TRMT11: variants seen among roughly 807,000 people sequenced by gnomAD.
The protein encoded by TRMT11 is tRNA (guanine(10)-N(2))-methyltransferase TRMT11.
Under a neutral mutation model 62.8 loss-of-function variants are expected in TRMT11, and 53 were observed. That is an observed-to-expected ratio of 0.84 (90% CI 0.68 to 1.06). TRMT11 has a LOEUF of 1.06. TRMT11 is among the 50% of genes least tolerant of loss of function. The probability of loss-of-function intolerance (pLI) is 0.00; values close to 1 mark genes in which losing one functional copy is unlikely to be tolerated. For missense variants in TRMT11, 556 were observed against 553.4 expected (o/e 1.00, Z -0.05); for synonymous variants, 188 against 190.3 (o/e 0.99, Z 0.10).
chr6:126,035,161 G>T (rs930773905), intron 12 of TRMT11, among the ~76,000 whole-genome samples: 11 of 152,020 alleles, frequency 7.2e-5, no homozygotes, highest in African/African-American at 2.2e-4. Context: ...AATGTGTATT[G>T]TTCATAGATA....
At position 126,008,444 on chromosome 6, in the gene TRMT11, C is replaced by T. The variant is rs749912267; in HGVS notation, c.732C>T (p.Asp244=). Residue 244 remains aspartate (D), a synonymous_variant, in exon 8 of 13, where the codon GAC becomes GAT. Coordinates refer to ENST00000334379, the MANE Select transcript of TRMT11 (RefSeq NM_001031712.3). ...AHFGAYVYGT[D]IDYNTVHGLG... ...TTGGTGCATATGTGTATGGGACAGA[C>T]ATAGACTACAACACAGTTCATGGCT... is the stretch of plus-strand genomic sequence containing the variant. 8.1e-6 allele frequency: 13 copies of T among 1,612,914 alleles called. No individual in the cohort carries two copies. The highest frequency in any genetic ancestry group is 1.6e-4 in the Middle Eastern group (1 of 6,080).
At chr6:126,087,465 C>A (rs537123105) in intron 17 of TRMT11, among the ~76,000 whole-genome samples, 1 of 152,258 alleles carries the variant, frequency 6.6e-6, no homozygotes, top group Admixed American at 6.5e-5. Context: ...AATAAAATGT[C>A]AAGAAGCCCA....
chr6:126,257,865 T>C, the TRMT11 span: 17 of 1,270,484 alleles, frequency 1.3e-5, no homozygotes, highest in Non-Finnish European at 1.9e-5. Flanking sequence ...GCTCTTGCTA[T>C]GAGGTCGGGG....
At chr6:126,068,749 C>G (rs1776760422) in intron 17 of TRMT11, among the ~76,000 whole-genome samples, 1 of 152,110 alleles carries the variant, frequency 6.6e-6, no homozygotes, top group Admixed American at 6.5e-5. Context: ...TTTGCATTTT[C>G]CTGTAAATTT....
At chr6:126,223,669 G>A in the TRMT11 span, among the ~76,000 whole-genome samples, 2 of 152,128 alleles carry the variant, frequency 1.3e-5, no homozygotes, top group African/African-American at 4.8e-5. Flanking sequence ...TATCTTGCAA[G>A]GGTTCTCTGA....
chr6:126,185,552 A>G (rs950715226), intron 1 of TRMT11, among the ~76,000 whole-genome samples: 1 of 152,158 alleles, frequency 6.6e-6, no homozygotes, highest in African/African-American at 2.4e-5. Context: ...TCATTCATCA[A>G]TACTTAATTT....
At chr6:126,195,620 G>A (rs2128249609) in intron 1 of TRMT11, among the ~76,000 whole-genome samples, 1 of 152,276 alleles carries the variant, frequency 6.6e-6, no homozygotes, top group Admixed American at 6.5e-5. Flanking sequence ...CTTCCTTACA[G>A]AATCTCAAGT....
At chr6:126,266,500 T>G in the TRMT11 span, among the ~76,000 whole-genome samples, 2 of 152,182 alleles carry the variant, frequency 1.3e-5, no homozygotes, top group Non-Finnish European at 2.9e-5. Flanking sequence ...AATTCTGTCT[T>G]TCTTTCTTTG....
chr6:126,147,879 CA>C, intron 21 of TRMT11, among the ~76,000 whole-genome samples: 1 of 151,476 alleles, frequency 6.6e-6, no homozygotes, highest in Non-Finnish European at 1.5e-5. Context: ...GGAAACATCA[CA>C]CACTGGGGCC....
At chr6:126,177,944 C>T (rs1469931067) in intron 1 of TRMT11, among the ~76,000 whole-genome samples, 1 of 152,146 alleles carries the variant, frequency 6.6e-6, no homozygotes. Context: ...CCTCCCACAA[C>T]TGGTTGTTCC....
chr6:126,239,873 A>G, the TRMT11 span, among the ~76,000 whole-genome samples: 1 of 152,148 alleles, frequency 6.6e-6, no homozygotes, highest in African/African-American at 2.4e-5. Flanking sequence ...GTCTTTTCAC[A>G]TAGTCCTATA....
At chr6:126,216,790 T>A in the TRMT11 span, among the ~76,000 whole-genome samples, 1 of 152,156 alleles carries the variant, frequency 6.6e-6, no homozygotes, top group African/African-American at 2.4e-5. Flanking sequence ...TATCTCTAGG[T>A]TTGTGAAGTT....
intron 21 of TRMT11, among the ~76,000 whole-genome samples, chr6:126,151,956 C>CTTTCTTTCTTTT (rs1395751133): frequency 1.7e-5 from 1 of 58,314 alleles, no homozygotes; most frequent in African/African-American, 7.9e-5. Context: ...TTCTTTCTTT[C>CTTTCTTTCTTTT]TTTTCTTTCT....
intron 16 of TRMT11, among the ~76,000 whole-genome samples, chr6:126,046,177 A>T (rs1776051370): frequency 6.6e-6 from 1 of 152,150 alleles, no homozygotes; most frequent in African/African-American, 2.4e-5. Context: ...CCAGAACTTA[A>T]GAGATATTTC....
the TRMT11 span, among the ~76,000 whole-genome samples, chr6:126,255,758 T>C: frequency 6.6e-6 from 1 of 152,140 alleles, no homozygotes; most frequent in African/African-American, 2.4e-5. Flanking sequence ...GGAAAATAAT[T>C]AGGTAATATT....
chr6:126,200,300 A>G (rs1409802068), intron 3 of TRMT11, among the ~76,000 whole-genome samples: 2 of 152,226 alleles, frequency 1.3e-5, no homozygotes, highest in African/African-American at 2.4e-5. Flanking sequence ...AGCAATGGCC[A>G]CATCAAATGA....
intron 21 of TRMT11, among the ~76,000 whole-genome samples, chr6:126,124,055 T>G (rs1777680884): frequency 6.6e-6 from 1 of 152,098 alleles, no homozygotes; most frequent in Non-Finnish European, 1.5e-5. Context: ...TTTTTTGGTT[T>G]TGTCTTTTGA....
chr6:126,231,493 G>T, the TRMT11 span, among the ~76,000 whole-genome samples: 1 of 152,118 alleles, frequency 6.6e-6, no homozygotes, highest in African/African-American at 2.4e-5. Flanking sequence ...TTGTTATTTG[G>T]CTAAAGCTTC....
At chr6:126,142,713 C>T (rs1777929787) in intron 21 of TRMT11, among the ~76,000 whole-genome samples, 1 of 151,984 alleles carries the variant, frequency 6.6e-6, no homozygotes, top group East Asian at 1.9e-4. Flanking sequence ...TGTCTGACAC[C>T]TAAAAGAACT....
Sources: allele counts gnomAD v4.1 joint callset (sites outside exome capture counted in the v4.1 genomes callset), GRCh38; gene constraint gnomAD v4.1.1; transcripts MANE v1.5; gene names NCBI Gene and HGNC (gene_info 2026-07-23, HGNC 2026-07-21).